Variants in INTS6 observed in about 807,000 individuals in gnomAD.
The protein encoded by INTS6 is DEAD box protein.
Under a neutral mutation model 104.9 loss-of-function variants are expected in INTS6, and 16 were observed. That is an observed-to-expected ratio of 0.15 (90% confidence interval 0.10 to 0.23). The LOEUF is 0.23. Ranked by LOEUF, INTS6 falls within the 10% of genes least tolerant of loss-of-function variation. The pLI is 1.00. For synonymous variants in INTS6, 324 were observed against 358.7 expected (o/e 0.90, Z 1.09); for missense variants, 584 against 1,062.8 (o/e 0.55, Z 6.26).
chr13:51,334,429 A>T, the INTS6 span, among the ~76,000 whole-genome samples: 1 of 152,200 alleles, frequency 6.6e-6, no homozygotes, highest in African/African-American at 2.4e-5. Context: ...AAATTTTATT[A>T]AAATAATCTA....
rs774327752 is a variant in INTS6, at chr13:51,361,870, A to G, written c.*3882T>C. ...TTTAAAGCAGATCGGCCATTCATCTATTTCCTGAGAGAACCTAACACAGGT... is the reference window on the plus strand; with the variant it reads ...TTTAAAGCAGATCGGCCATTCATCTGTTTCCTGAGAGAACCTAACACAGGT... On this transcript the variant is annotated 3_prime_UTR_variant, in exon 18 of 18. Coordinates refer to ENST00000311234, the MANE Select transcript of INTS6 (RefSeq NM_012141.3). The G allele has an allele frequency of 4.3e-6, 7 of 1,611,854 alleles. No individual in the cohort carries two copies. Among genetic ancestry groups the G allele is most frequent in the Non-Finnish European group, 5.9e-6 (7 of 1,178,694 alleles).
intron 5 of INTS6, among the ~76,000 whole-genome samples, chr13:51,390,006 C>T (rs1956215735): frequency 6.6e-6 from 1 of 152,034 alleles, no homozygotes; most frequent in Non-Finnish European, 1.5e-5. Flanking sequence ...CTGAATTTCA[C>T]TTAGCTTATG....
chr13:51,452,165 G>C lies in INTS6; in HGVS notation c.112-110C>G, dbSNP rs117836984. 0.015 allele frequency: 15,210 copies of C among 1,023,156 alleles called. 346 individuals carry two copies. The highest frequency in any genetic ancestry group is 0.11 in the East Asian group (4,175 of 38,378). 63.4% of individuals were successfully genotyped at this position (1,023,156 alleles called of 1,614,324 possible). ...CCGCCGCCCCCACAGTACCGCACAC[G>C]CAGCGGCCACCCCTCCACGCCGTCC... On this transcript the variant is annotated intron_variant, in intron 1 of 17. Coordinates refer to ENST00000311234, the MANE Select transcript of INTS6 (RefSeq NM_012141.3). The surrounding 1 kb of genome is among the most constrained non-coding windows in gnomAD (Gnocchi z 4.2).
intron 12 of INTS6, among the ~76,000 whole-genome samples, chr13:51,378,002 T>C (rs1955967261): frequency 6.6e-6 from 1 of 152,054 alleles, no homozygotes. Context: ...AAACCTCTGT[T>C]TTCTCATCTA....
At chr13:51,451,728 G>A (rs1953054376) in intron 2 of INTS6, among the ~76,000 whole-genome samples, 1 of 149,664 alleles carries the variant, frequency 6.7e-6, no homozygotes, top group South Asian at 2.1e-4. Flanking sequence ...CAGCGCCGCC[G>A]CCGCCGCCGC....
chr13:51,364,340 C>A lies in INTS6; in HGVS notation c.*1412G>T. 2.0e-6 allele frequency: 2 copies of A among 1,000,900 alleles called. No individual in the cohort carries two copies. The highest frequency in any genetic ancestry group is 1.6e-5 in the South Asian group (1 of 61,130). The allele number at this position is 1,000,900 out of a possible 1,614,324, so 62.0% of individuals were successfully genotyped here. ...TTCATAAAGTTATAATTTCATTTTGCTATACCCTTGAAATTTAAAAAAATG... is the reference window on the plus strand; with the variant it reads ...TTCATAAAGTTATAATTTCATTTTGATATACCCTTGAAATTTAAAAAAATG... On this transcript the variant is annotated 3_prime_UTR_variant, in exon 18 of 18. Coordinates refer to ENST00000311234, the MANE Select transcript of INTS6 (RefSeq NM_012141.3).
chr13:51,430,107 CA>C (rs1398991168), intron 4 of INTS6, 186 bp downstream of exon 4: 4 of 498,158 alleles, frequency 8.0e-6, no homozygotes, highest in African/African-American at 7.8e-5. Flanking sequence ...ACATTTCTCA[CA>C]GAAGAGATTC....
chr13:51,388,265 T>A (rs1258649137), intron 6 of INTS6, among the ~76,000 whole-genome samples: 5 of 152,106 alleles, frequency 3.3e-5, no homozygotes, highest in Non-Finnish European at 5.9e-5. Flanking sequence ...GTGCCCCCAT[T>A]CTTTCATCTC....
the INTS6 span, chr13:51,344,369 C>T: frequency 6.2e-7 from 1 of 1,613,626 alleles, no homozygotes; most frequent in Non-Finnish European, 8.5e-7. Flanking sequence ...CCACTGTCCC[C>T]CTGCTTTGTG....
chr13:51,435,404 T>A (rs941377600), intron 3 of INTS6, among the ~76,000 whole-genome samples: 2 of 152,020 alleles, frequency 1.3e-5, no homozygotes, highest in African/African-American at 2.4e-5. Context: ...TGCCACAAGA[T>A]AATATAAAGC....
Position 51,430,360 on chromosome 13 carries a change from C to T in INTS6, c.363G>A (p.Glu121=), listed in dbSNP as rs748953324. ...CAGTAATTGTGATAATTATTGCTGG[C>T]TCCAAGAAAAAAGGGTTTCTTCCCT... ...YGQGRNPFFL[E]PAIIITITDG... is the part of the protein sequence containing the mutation. The change falls in exon 4 of 18, where the codon GAG becomes GAA. Residue 121 remains glutamate (E), a synonymous_variant. Coordinates refer to ENST00000311234, the MANE Select transcript of INTS6 (RefSeq NM_012141.3). The T allele has an allele frequency of 3.1e-6, 5 of 1,608,158 alleles. No homozygotes were observed. The Admixed American group carries it at 8.5e-5, about 27-fold the overall frequency.
chr13:51,354,721 T>C (rs2137803847), intron 3 of INTS6, among the ~76,000 whole-genome samples: 1 of 152,280 alleles, frequency 6.6e-6, no homozygotes, highest in Non-Finnish European at 1.5e-5. Context: ...AAGGTATTAA[T>C]GGGGCTTTAA....
intron 3 of INTS6, chr13:51,355,186 G>A (rs1378886056): frequency 1.0e-6 from 1 of 991,296 alleles, no homozygotes. Context: ...CGTGTATTTG[G>A]GGCAGTTTTA....
intron 3 of INTS6, among the ~76,000 whole-genome samples, chr13:51,433,251 C>G (rs2138111333): frequency 6.6e-6 from 1 of 152,236 alleles, no homozygotes; most frequent in South Asian, 2.1e-4. Context: ...CGAGACCAGT[C>G]TAGGAAACAC....
At chr13:51,415,107 C>T (rs1956763073) in intron 4 of INTS6, among the ~76,000 whole-genome samples, 1 of 151,434 alleles carries the variant, frequency 6.6e-6, no homozygotes, top group Non-Finnish European at 1.5e-5. Flanking sequence ...AACTTAATAC[C>T]CTGACAAGTA....
downstream of INTS6, among the ~76,000 whole-genome samples, chr13:51,358,760 G>A (rs1217080528): frequency 6.6e-6 from 1 of 152,084 alleles, no homozygotes; most frequent in Non-Finnish European, 1.5e-5. Context: ...TGTTATGGAA[G>A]AAGAGTGGAG....
intron 11 of INTS6, among the ~76,000 whole-genome samples, chr13:51,378,770 C>G (rs910619452): frequency 1.3e-5 from 2 of 151,902 alleles, no homozygotes; most frequent in Admixed American, 1.3e-4. Flanking sequence ...AATGTGTATT[C>G]CCAATTCAGG....
chr13:51,411,882 G>T (rs1347955901), intron 4 of INTS6, among the ~76,000 whole-genome samples: 1 of 152,176 alleles, frequency 6.6e-6, no homozygotes, highest in Non-Finnish European at 1.5e-5. Context: ...GTTCACAGTA[G>T]CTTATTCATA....
At chr13:51,444,807 T>C (rs1952874569) in intron 3 of INTS6, 2 of 151,196 alleles carry the variant, frequency 1.3e-5, no homozygotes, top group African/African-American at 2.4e-5. Context: ...TTTCTTTTTT[T>C]TTTTTTTTTC....
Sources: allele counts gnomAD v4.1 joint callset (sites outside exome capture counted in the v4.1 genomes callset), GRCh38; gene constraint gnomAD v4.1.1; non-coding constraint Gnocchi (gnomAD v3.1); transcripts MANE v1.5; gene names NCBI Gene and HGNC (gene_info 2026-07-23, HGNC 2026-07-21).